Variants in POU2F3 observed in about 807,000 individuals in gnomAD.
POU2F3 encodes the protein POU domain, class 2, transcription factor 3.
Under a neutral mutation model 59.2 loss-of-function variants are expected in POU2F3, and 23 were observed. That is an observed-to-expected ratio of 0.39 (90% CI 0.28 to 0.55). The LOEUF (loss-of-function observed/expected upper bound fraction) is 0.55, where lower values mean the gene tolerates loss of function less well. Ranked by LOEUF, POU2F3 falls within the 20% of genes least tolerant of loss-of-function variation. The pLI is 0.66. For missense variants in POU2F3, 473 were observed against 544.5 expected (o/e 0.87, Z 1.31); for synonymous variants, 190 against 214.6 (o/e 0.89, Z 1.00).
chr11:120,292,514 C>T (rs1185685351), intron 3 of POU2F3, among the ~76,000 whole-genome samples: 1 of 152,180 alleles, frequency 6.6e-6, no homozygotes, highest in African/African-American at 2.4e-5. Flanking sequence ...TCTGCCATTT[C>T]ACTTATTTAG....
At chr11:120,286,650 C>G (rs921358355) in intron 3 of POU2F3, among the ~76,000 whole-genome samples, 1 of 152,166 alleles carries the variant, frequency 6.6e-6, no homozygotes. Flanking sequence ...AATTATGTCA[C>G]ACTGTCAACT....
intron 9 of POU2F3, among the ~76,000 whole-genome samples, chr11:120,308,064 G>GAAA (rs987639352): frequency 6.6e-6 from 1 of 151,808 alleles, no homozygotes; most frequent in Non-Finnish European, 1.5e-5. Flanking sequence ...GAAGTAGAAA[G>GAAA]AAAAAAAACG....
At chr11:120,272,968 A>G (rs1940143718) in intron 3 of POU2F3, among the ~76,000 whole-genome samples, 1 of 152,172 alleles carries the variant, frequency 6.6e-6, no homozygotes, top group Admixed American at 6.5e-5. Flanking sequence ...TGAGGCCCCA[A>G]ACAGTCTTCA....
In POU2F3 at chr11:120,309,442, G is replaced by A. The variant is rs376467328; in HGVS notation, c.924G>A (p.Ser308=). ...KRFQDNPKPS[S]EEISMIAEQL... is the part of the protein sequence containing the mutation. ...GCCTATAGAACCCAAAACCCAGCTC[G>A]GAGGAGATCTCCATGATTGCAGAGC... The change falls in exon 10 of 13, where the codon TCG becomes TCA. Residue 308 remains serine (S), a synonymous_variant. Transcript: ENST00000543440. 3.5e-5 allele frequency: 57 copies of A among 1,613,804 alleles called. No homozygotes were observed. In the African/African-American group the frequency reaches 3.7e-4, roughly 11 times the overall value.
At chr11:120,313,103 G>T (rs2135134028) in intron 10 of POU2F3, among the ~76,000 whole-genome samples, 1 of 152,246 alleles carries the variant, frequency 6.6e-6, no homozygotes, top group South Asian at 2.1e-4. Context: ...CATAGGCCTT[G>T]TTAAGAAACT....
In POU2F3 at chr11:120,319,199, A is replaced by T. The variant is rs1565395162; in HGVS notation, c.*807A>T. 1 of 152,672 alleles carries T rather than the reference A, an allele frequency of 6.5e-6. No homozygotes were observed. The highest frequency in any genetic ancestry group is 1.5e-5 in the Non-Finnish European group (1 of 68,084). 9.5% of individuals were successfully genotyped at this position (152,672 alleles called of 1,614,324 possible). A position where few individuals can be genotyped will look rare whatever the true frequency, so the allele number is the denominator to read the frequency against. ...CCTGGCAGCAGAAAAGGAAGAACAC[A>T]AGAGCAAACACACAACAATGATGGT... is the stretch of plus-strand genomic sequence containing the variant. On this transcript the variant is annotated 3_prime_UTR_variant, in exon 13 of 13. Coordinates refer to ENST00000543440, the MANE Select transcript of POU2F3 (RefSeq NM_014352.4).
chr11:120,296,928 T>A (rs1941208037), intron 3 of POU2F3, among the ~76,000 whole-genome samples: 1 of 152,220 alleles, frequency 6.6e-6, no homozygotes, highest in South Asian at 2.1e-4. Flanking sequence ...GCACCATTTT[T>A]TTCCGCAAGA....
rs148894040 is a variant in POU2F3, at chr11:120,264,035, C to T, written c.98-5175C>T. ...GGACCTCACAATCTCATGAGGGAAA[C>T]AGACACATAAGCCACTGACTCTAAA... On this transcript the variant is annotated intron_variant, in intron 2 of 12. Coordinates refer to ENST00000543440, the MANE Select transcript of POU2F3 (RefSeq NM_014352.4). Among the ~76,000 whole-genome samples the T allele has an allele frequency of 7.9e-4, 121 of 152,266 alleles. No homozygotes were observed. The East Asian group carries it at 0.017, about 21-fold the overall frequency.
upstream of POU2F3, among the ~76,000 whole-genome samples, chr11:120,239,898 C>T (rs1424691500): frequency 1.3e-5 from 2 of 152,224 alleles, no homozygotes; most frequent in Non-Finnish European, 2.9e-5. Flanking sequence ...CTAAAAAGGG[C>T]GAGCAGGACC....
At chr11:120,279,706 T>C (rs972238854) in intron 3 of POU2F3, among the ~76,000 whole-genome samples, 2 of 152,234 alleles carry the variant, frequency 1.3e-5, no homozygotes, top group Non-Finnish European at 2.9e-5. Flanking sequence ...GTTTGTAGCC[T>C]GGGCAGCAGC....
intron 3 of POU2F3, among the ~76,000 whole-genome samples, chr11:120,279,680 G>T (rs1940484325): frequency 6.6e-6 from 1 of 152,222 alleles, no homozygotes; most frequent in Admixed American, 6.5e-5. Flanking sequence ...TGAGGCTCAG[G>T]TGTCAACTGT....
chr11:120,313,309 T>G (rs1941699100), intron 10 of POU2F3, among the ~76,000 whole-genome samples: 1 of 152,214 alleles, frequency 6.6e-6, no homozygotes, highest in Admixed American at 6.5e-5. Flanking sequence ...ACTGAGCACC[T>G]GCAACGTTCC....
intron 2 of POU2F3, among the ~76,000 whole-genome samples, chr11:120,249,231 C>T (rs1474602098): frequency 6.6e-6 from 1 of 152,212 alleles, no homozygotes; most frequent in Non-Finnish European, 1.5e-5. Context: ...TGCAGCAGCA[C>T]AAGGGACCAG....
rs541353313 is a variant in POU2F3, at chr11:120,318,505, C to T, written c.*113C>T. ...TCAGAAGAGTGGAAGAAAATCTCCACTATCAATGAACCCAGACTCTTGTCT... is the reference window on the plus strand; with the variant it reads ...TCAGAAGAGTGGAAGAAAATCTCCATTATCAATGAACCCAGACTCTTGTCT... On this transcript the variant is annotated 3_prime_UTR_variant, in exon 13 of 13. Coordinates refer to ENST00000543440, the MANE Select transcript of POU2F3 (RefSeq NM_014352.4). 6.4e-6 allele frequency: 7 copies of T among 1,098,204 alleles called. No individual in the cohort carries two copies. Among genetic ancestry groups the T allele is most frequent in the African/African-American group, 1.6e-5 (1 of 64,312 alleles). 68.0% of individuals were successfully genotyped at this position (1,098,204 alleles called of 1,614,324 possible).
At chr11:120,274,059 AAG>A (rs1444184249) in intron 3 of POU2F3, among the ~76,000 whole-genome samples, 2 of 151,296 alleles carry the variant, frequency 1.3e-5, no homozygotes, top group African/African-American at 2.4e-5. Context: ...GAAAGAAAGA[AAG>A]AGAGAAAGAA....
At chr11:120,268,775 TG>T (rs1245004214) in intron 2 of POU2F3, among the ~76,000 whole-genome samples, 1 of 152,250 alleles carries the variant, frequency 6.6e-6, no homozygotes, top group African/African-American at 2.4e-5. Context: ...CCTGGAGGGC[TG>T]GGCTAGTAGC....
intron 3 of POU2F3, among the ~76,000 whole-genome samples, chr11:120,275,807 C>T (rs1286708534): frequency 1.3e-5 from 2 of 152,200 alleles, no homozygotes; most frequent in Non-Finnish European, 1.5e-5. Flanking sequence ...TGGACACCTG[C>T]GCCAGCTCGT....
intron 3 of POU2F3, among the ~76,000 whole-genome samples, chr11:120,290,495 G>T (rs1940981917): frequency 6.6e-6 from 1 of 152,194 alleles, no homozygotes; most frequent in South Asian, 2.1e-4. Flanking sequence ...CAGTGCAGGT[G>T]CCTCACAGCA....
chr11:120,236,709 T>C, upstream of POU2F3: 2 of 1,488,852 alleles, frequency 1.3e-6, no homozygotes, highest in Non-Finnish European at 1.8e-6. Flanking sequence ...GAGGAAGGGG[T>C]AAAGGAGTTC....
Sources: allele counts gnomAD v4.1 joint callset (sites outside exome capture counted in the v4.1 genomes callset), GRCh38; gene constraint gnomAD v4.1.1; transcripts MANE v1.5; gene names NCBI Gene and HGNC (gene_info 2026-07-23, HGNC 2026-07-21).